SRGAP3: variants seen among roughly 807,000 people sequenced by gnomAD.
The protein encoded by SRGAP3 is SLIT-ROBO Rho GTPase-activating protein 3.
Under a neutral mutation model 121.1 loss-of-function variants are expected in SRGAP3, and 39 were observed. The observed-to-expected ratio is 0.32, with a 90% confidence interval of 0.25 to 0.42. The LOEUF (loss-of-function observed/expected upper bound fraction) is 0.42. Ranked by LOEUF, SRGAP3 falls within the 10% of genes least tolerant of loss-of-function variation. The pLI is 1.00. For synonymous variants in SRGAP3, 601 were observed against 570.0 expected, an observed-to-expected ratio of 1.05 and a Z score of -0.77; for missense variants, 1,213 against 1,470.6, an observed-to-expected ratio of 0.82 and a Z score of 2.86.
chr3:9,303,315 C>CT (rs1389379609), intron 3 of SRGAP3, among the ~76,000 whole-genome samples: 1 of 151,778 alleles, frequency 6.6e-6, no homozygotes, highest in Admixed American at 6.6e-5. Context: ...GTCCCAGCTA[C>CT]TGAGGAGGCT....
At position 9,336,214 on chromosome 3, in the gene SRGAP3, C is replaced by T. The variant is rs549482922; in HGVS notation, n.215-5618G>A. On this transcript the variant is annotated intron_variant and non_coding_transcript_variant, in intron 1 of 3. Coordinates refer to the SRGAP3 transcript ENST00000490889. ...TGGAAGCCCTCTCCCCCTCCCCCTC[C>T]CTCTCTTCTCTCTCCCTCTCCCTCT... is the stretch of plus-strand genomic sequence containing the variant. Among the ~76,000 whole-genome samples the T allele has an allele frequency of 1.4e-4, 22 of 151,892 alleles. No individual in the cohort carries two copies. In the South Asian group the frequency reaches 4.6e-3, roughly 32 times the overall value.
chr3:9,238,395 A>C (rs1953492776), intron 1 of SRGAP3, among the ~76,000 whole-genome samples: 1 of 152,156 alleles, frequency 6.6e-6, no homozygotes, highest in Non-Finnish European at 1.5e-5. Flanking sequence ...GCATTTTTTC[A>C]AAAGTCCTTA....
chr3:8,982,546 AAC>A lies in SRGAP3; in HGVS notation c.*2971_*2972del, dbSNP rs562125706. ...TTTAAAAATTACAATTTCACATTTT[AAC>A]AGTTACTTTCCAGCATTTAAGCAAA... On this transcript the variant is annotated 3_prime_UTR_variant, in exon 22 of 22. Transcript: ENST00000383836. 1.3e-3 allele frequency: 283 copies of A among 222,280 alleles called. 4 individuals carry two copies. Among genetic ancestry groups the A allele is most frequent in the South Asian group, 6.8e-3 (37 of 5,420 alleles). 13.8% of individuals were successfully genotyped at this position (222,280 alleles called of 1,614,324 possible).
At chr3:9,120,105 T>A (rs764711712) in intron 2 of SRGAP3, among the ~76,000 whole-genome samples, 2 of 152,256 alleles carry the variant, frequency 1.3e-5, no homozygotes, top group Non-Finnish European at 2.9e-5. Context: ...AGCTGCTTTT[T>A]AATGTTTTAT....
chr3:9,160,799 T>C (rs1446966595), intron 1 of SRGAP3, among the ~76,000 whole-genome samples: 2 of 152,222 alleles, frequency 1.3e-5, no homozygotes, highest in East Asian at 3.8e-4. Flanking sequence ...AATATTATTT[T>C]ATAATAATAA....
rs73811422 is a variant in SRGAP3, at chr3:9,057,770, G to C, written c.1023+481C>G. 5.9e-3 allele frequency among the ~76,000 whole-genome samples: 898 copies of C among 152,256 alleles called. 5 individuals are homozygous for C. Among genetic ancestry groups the C allele is most frequent in the Middle Eastern group, 0.01 (3 of 294 alleles). On this transcript the variant is annotated intron_variant, in intron 7 of 21. Transcript: ENST00000383836. Reference sequence around the variant, plus strand: ...AGGGCCTTCTTTCCATTTGTTTTTCGTTTGTTTTATTCAGAATATAACAAG... The same window carrying C: ...AGGGCCTTCTTTCCATTTGTTTTTCCTTTGTTTTATTCAGAATATAACAAG...
intron 3 of SRGAP3, among the ~76,000 whole-genome samples, chr3:9,285,094 G>A (rs950422219): frequency 2.0e-5 from 3 of 152,194 alleles, no homozygotes; most frequent in Non-Finnish European, 4.4e-5. Flanking sequence ...AGTTAGGGGA[G>A]TGAAGAGGAC....
chr3:9,083,248 C>A (rs532927633), intron 3 of SRGAP3, among the ~76,000 whole-genome samples: 111 of 152,286 alleles, frequency 7.3e-4, no homozygotes, highest in Non-Finnish European at 1.3e-3. Flanking sequence ...CACCCAAGAC[C>A]CTATTTCTTA....
rs1949987635 is a variant in SRGAP3, at chr3:9,145,302, G to A, written c.68-20385C>T. 2.0e-5 allele frequency among the ~76,000 whole-genome samples: 3 copies of A among 152,228 alleles called. No homozygotes were observed. In the South Asian group the frequency reaches 6.2e-4, roughly 32 times the overall value. On this transcript the variant is annotated intron_variant, in intron 1 of 21. Coordinates refer to ENST00000383836, the MANE Select transcript of SRGAP3 (RefSeq NM_014850.4). ...GTAGAGACGGGGTTTCGCCATGTTG[G>A]CCAGGCTGTTCTCGAACTCCTGACC...
intron 1 of SRGAP3, among the ~76,000 whole-genome samples, chr3:9,195,396 C>T (rs1220364786): frequency 6.6e-6 from 1 of 152,170 alleles, no homozygotes; most frequent in Non-Finnish European, 1.5e-5. Flanking sequence ...CCACTCCCAC[C>T]CTGCCAGCCT....
chr3:9,095,130 G>C (rs1301223364), intron 3 of SRGAP3, among the ~76,000 whole-genome samples: 1 of 151,872 alleles, frequency 6.6e-6, no homozygotes, highest in African/African-American at 2.4e-5. Flanking sequence ...TGTTTCTACT[G>C]GGTTGTTTTT....
At chr3:9,236,491 G>A (rs1175517761) in intron 1 of SRGAP3, among the ~76,000 whole-genome samples, 1 of 152,150 alleles carries the variant, frequency 6.6e-6, no homozygotes, top group African/African-American at 2.4e-5. Context: ...GATCCTTCAT[G>A]AATGGTTTAG....
intron 3 of SRGAP3, among the ~76,000 whole-genome samples, chr3:9,093,987 A>T (rs187368573): frequency 6.6e-6 from 1 of 152,324 alleles, no homozygotes; most frequent in African/African-American, 2.4e-5. Flanking sequence ...CCAGGAACAC[A>T]TCACTCAAAT....
In SRGAP3 at chr3:9,084,459, T is replaced by C. The variant is rs142721106; in HGVS notation, c.424-4372A>G. ...AAAGAAAGAAATGCATGTAGCCCAG[T>C]TGCTACCAGCAGGCATCTTAGAACC... On this transcript the variant is annotated intron_variant, in intron 3 of 21. Transcript: ENST00000383836. Among the ~76,000 whole-genome samples, 816 of 152,340 alleles carry C rather than the reference T, an allele frequency of 5.4e-3. 9 individuals carry two copies. The highest frequency in any genetic ancestry group is 0.019 in the African/African-American group (775 of 41,580).
chr3:9,003,584 C>A (rs1263748585), intron 18 of SRGAP3, among the ~76,000 whole-genome samples: 1 of 152,098 alleles, frequency 6.6e-6, no homozygotes, highest in Non-Finnish European at 1.5e-5. Flanking sequence ...CCCAGGACTG[C>A]CAAATTGGTT....
intron 3 of SRGAP3, among the ~76,000 whole-genome samples, chr3:9,093,198 C>G (rs1307368355): frequency 6.6e-6 from 1 of 152,212 alleles, no homozygotes; most frequent in Non-Finnish European, 1.5e-5. Flanking sequence ...TTATTGATCA[C>G]TTATTACTGC....
intron 1 of SRGAP3, among the ~76,000 whole-genome samples, chr3:9,356,390 T>G (rs1205706085): frequency 4.5e-5 from 3 of 66,896 alleles, no homozygotes; most frequent in East Asian, 1.2e-3. Context: ...TTTTTTTTTT[T>G]GAGACAGAGT....
chr3:9,035,560 T>TG (rs1441690884), intron 11 of SRGAP3: 2 of 183,600 alleles, frequency 1.1e-5, no homozygotes, highest in African/African-American at 2.4e-5. Flanking sequence ...CCAAGGAAAG[T>TG]GGGGCAGCCT....
intron 3 of SRGAP3, among the ~76,000 whole-genome samples, chr3:9,099,859 C>A (rs1560146244): frequency 6.6e-6 from 1 of 152,150 alleles, no homozygotes; most frequent in Non-Finnish European, 1.5e-5. Context: ...TGTTTAAAGA[C>A]AAGGCCAAAT....
Sources: allele counts gnomAD v4.1 joint callset (sites outside exome capture counted in the v4.1 genomes callset), GRCh38; gene constraint gnomAD v4.1.1; transcripts MANE v1.5; gene names NCBI Gene and HGNC (gene_info 2026-07-23, HGNC 2026-07-21).